Variants in NAA35 observed in about 807,000 individuals in gnomAD.
NAA35 encodes MAK10 homolog, amino-acid N-acetyltransferase subunit.
NAA35 carries 18 observed loss-of-function variants against 101.7 expected under a neutral mutation model. The ratio of observed to expected loss-of-function variants is 0.18; its 90% confidence interval spans 0.12 to 0.26. NAA35 has a LOEUF of 0.26. Among genes scored for constraint, NAA35 ranks in the 10% least tolerant of loss-of-function variants. NAA35 has a pLI of 1.00. For missense variants in NAA35, 601 were observed against 886.8 expected, an observed-to-expected ratio of 0.68 and a Z score of 4.09; for synonymous variants, 267 against 273.1, an observed-to-expected ratio of 0.98 and a Z score of 0.22.
intron 2 of NAA35, among the ~76,000 whole-genome samples, chr9:85,947,519 G>A (rs1828823390): frequency 6.6e-6 from 1 of 152,188 alleles, no homozygotes; most frequent in South Asian, 2.1e-4. Flanking sequence ...GGTGGAGCAT[G>A]GGTGAGATGG....
chr9:86,016,635 G>T lies in NAA35; in HGVS notation c.1665G>T (p.Gln555His). ...AGGAAAGGATAATGGAAGAGCAGCA[G>T]AAAGGCCGTAGTAGTAAAAAAACAA... Reference protein sequence around the residue: ...MAEERIMEEQQKGRSSKKTKK... With the variant: ...MAEERIMEEQHKGRSSKKTKK... Residue 555 changes from glutamine (Q) to histidine (H), a missense_variant, in exon 18 of 23, where the codon CAG (glutamine) becomes CAT (histidine). This residue lies in a region of NAA35 where 99 missense variants were observed against 206.7 expected (regional missense o/e 0.48). Coordinates refer to ENST00000361671, the MANE Select transcript of NAA35 (RefSeq NM_024635.4). 1 of 1,613,906 alleles carries T rather than the reference G, an allele frequency of 6.2e-7. No homozygotes were observed. The highest frequency in any genetic ancestry group is 8.5e-7 in the Non-Finnish European group (1 of 1,179,944).
At chr9:85,984,481 T>C (rs1038206247) in intron 11 of NAA35, among the ~76,000 whole-genome samples, 7 of 152,092 alleles carry the variant, frequency 4.6e-5, no homozygotes, top group African/African-American at 1.7e-4. Flanking sequence ...TATGAAACTT[T>C]AGAAAAGTGG....
chr9:85,996,451 A>G lies in NAA35; in HGVS notation c.930A>G (p.Pro310=), dbSNP rs373868710. 15 of 1,610,126 alleles carry G rather than the reference A, an allele frequency of 9.3e-6. No individual in the cohort carries two copies. In the African/African-American group the frequency reaches 2.0e-4, roughly 22 times the overall value. ...CCCTTGTGAACCAGAGGCTACTTCC[A>G]CCTACCTTCCCTCGATATGCAAAAA... ...FEPLVNQRLL[P]PTFPRYAKII... Residue 310 remains proline (P), a synonymous_variant, in exon 12 of 23, where the codon CCA becomes CCG. Transcript: ENST00000361671.
intron 6 of NAA35, among the ~76,000 whole-genome samples, chr9:85,967,679 G>A (rs1829819903): frequency 6.6e-6 from 1 of 152,080 alleles, no homozygotes; most frequent in South Asian, 2.1e-4. Flanking sequence ...GTGGGTGCCT[G>A]TAGTCCCAGC....
intron 6 of NAA35, among the ~76,000 whole-genome samples, chr9:85,965,735 G>A (rs1231874378): frequency 6.6e-6 from 1 of 152,130 alleles, no homozygotes; most frequent in Non-Finnish European, 1.5e-5. Flanking sequence ...TCTAAAGTGA[G>A]AAAAGTCGGG....
chr9:85,946,718 T>C (rs1373033663), intron 2 of NAA35, among the ~76,000 whole-genome samples: 2 of 151,944 alleles, frequency 1.3e-5, no homozygotes, highest in Non-Finnish European at 2.9e-5. Context: ...CCTATCAGTG[T>C]ATTTTATGTG....
intron 2 of NAA35, among the ~76,000 whole-genome samples, chr9:85,955,343 TATATATATATA>T (rs1829201992): frequency 1.5e-5 from 1 of 68,866 alleles, no homozygotes; most frequent in African/African-American, 7.5e-5. Flanking sequence ...TATATATATA[TATATATATATA>T]TATATATTTT....
chr9:86,021,763 T>C, intron 22 of NAA35, 138 bp from the exon 23 acceptor site: 1 of 688,040 alleles, frequency 1.5e-6, no homozygotes, highest in Non-Finnish European at 2.4e-6. Context: ...TTTTTGTCAT[T>C]AACCTAGTTT....
intron 2 of NAA35, among the ~76,000 whole-genome samples, chr9:85,942,875 C>T (rs1016424846): frequency 6.6e-6 from 1 of 152,188 alleles, no homozygotes; most frequent in Admixed American, 6.5e-5. Flanking sequence ...CTCGCTTTCA[C>T]ACAATTCTTC....
intron 11 of NAA35, among the ~76,000 whole-genome samples, chr9:85,980,409 G>C (rs904057459): frequency 6.6e-6 from 1 of 152,138 alleles, no homozygotes; most frequent in African/African-American, 2.4e-5. Context: ...TTGGTTATCT[G>C]CCCTACCCTG....
chr9:86,018,487 C>G, intron 20 of NAA35, 92 bp downstream of exon 20: 1 of 1,417,526 alleles, frequency 7.1e-7, no homozygotes, highest in South Asian at 1.4e-5. Flanking sequence ...GTTACATTAA[C>G]AGTTATTTAA....
chr9:86,008,514 A>G (rs561081441), intron 14 of NAA35, among the ~76,000 whole-genome samples: 25 of 152,328 alleles, frequency 1.6e-4, no homozygotes, highest in Non-Finnish European at 3.2e-4. Flanking sequence ...AGGTGTCTTA[A>G]ACAGAAATAC....
chr9:85,984,776 A>G (rs777573610), intron 11 of NAA35, among the ~76,000 whole-genome samples: 2 of 152,198 alleles, frequency 1.3e-5, no homozygotes, highest in Non-Finnish European at 2.9e-5. Context: ...GAGGAAAGAA[A>G]AGTCTTTTCA....
At chr9:85,980,850 T>C in intron 11 of NAA35, among the ~76,000 whole-genome samples, 1 of 152,096 alleles carries the variant, frequency 6.6e-6, no homozygotes, top group East Asian at 1.9e-4. Flanking sequence ...CCTCAACGAC[T>C]TGGCCATTCC....
At chr9:86,018,194 G>A (rs1308368464) in intron 19 of NAA35, 61 bp from the exon 20 acceptor site, 1 of 1,474,274 alleles carries the variant, frequency 6.8e-7, no homozygotes, top group East Asian at 2.3e-5. Flanking sequence ...ATTCTGTATT[G>A]ATGAGTGTTC....
At chr9:85,950,816 CTG>C (rs1184200390) in intron 2 of NAA35, among the ~76,000 whole-genome samples, 1 of 152,028 alleles carries the variant, frequency 6.6e-6, no homozygotes, top group Non-Finnish European at 1.5e-5. Flanking sequence ...TAATTTAAAA[CTG>C]AGACATTTAA....
intron 6 of NAA35, among the ~76,000 whole-genome samples, chr9:85,963,583 G>A (rs1829617478): frequency 6.6e-6 from 1 of 151,972 alleles, no homozygotes; most frequent in Non-Finnish European, 1.5e-5. Context: ...GGCTTTGTGA[G>A]TTGTTTGAAA....
intron 11 of NAA35, chr9:85,986,695 T>C (rs1230223682): frequency 9.6e-6 from 3 of 311,910 alleles, no homozygotes; most frequent in Non-Finnish European, 1.9e-5. Flanking sequence ...AATGATTCTC[T>C]TACCTCACCC....
chr9:85,941,755 G>T, intron 1 of NAA35: 2 of 990,238 alleles, frequency 2.0e-6, no homozygotes, highest in Non-Finnish European at 2.4e-6. Flanking sequence ...TACCTTGATT[G>T]ACTTCGGTAG....
Sources: allele counts gnomAD v4.1 joint callset (sites outside exome capture counted in the v4.1 genomes callset), GRCh38; gene constraint gnomAD v4.1.1; regional missense constraint gnomAD v4.1.1; transcripts MANE v1.5; gene names NCBI Gene and HGNC (gene_info 2026-07-23, HGNC 2026-07-21).